The following PARD3 variants were observed in gnomAD, a reference collection of about 807,000 sequenced individuals.
PARD3 encodes the protein par-3 family cell polarity regulator.
PARD3 carries 75 observed loss-of-function variants against 155.4 expected under a neutral mutation model. The ratio of observed to expected loss-of-function variants is 0.48; its 90% CI spans 0.40 to 0.58. The LOEUF is 0.58. Among genes scored for constraint, PARD3 ranks in the 20% least tolerant of loss-of-function variants. PARD3 has a pLI of 0.00. For missense variants in PARD3, 1,642 were observed against 1,721.7 expected (o/e 0.95, Z 0.82); for synonymous variants, 576 against 610.5 (o/e 0.94, Z 0.83).
In PARD3 at chr10:34,378,120, G is replaced by A; in HGVS notation, c.1400-14C>T. ...AACCTTCTGTACCTAGGTATGTGAA[G>A]GAGAAGAAAAGTAAATAAAATGAGA... On this transcript the variant is annotated splice_polypyrimidine_tract_variant and intron_variant, in intron 9 of 24. Transcript: ENST00000374788. 2 of 1,561,258 alleles carry A rather than the reference G, an allele frequency of 1.3e-6. No homozygotes were observed. Among genetic ancestry groups the A allele is most frequent in the Non-Finnish European group, 1.7e-6 (2 of 1,157,352 alleles).
chr10:34,390,677 G>A (rs1252879774), intron 7 of PARD3, among the ~76,000 whole-genome samples: 2 of 152,112 alleles, frequency 1.3e-5, no homozygotes, highest in Non-Finnish European at 1.5e-5. Flanking sequence ...GGTCAAGTCA[G>A]TCACTGACTG....
At chr10:34,390,003 A>G (rs954199201) in intron 7 of PARD3, among the ~76,000 whole-genome samples, 1 of 152,236 alleles carries the variant, frequency 6.6e-6, no homozygotes, top group Non-Finnish European at 1.5e-5. Context: ...ACCAATGCGT[A>G]TGTTATAGTT....
intron 12 of PARD3, among the ~76,000 whole-genome samples, chr10:34,362,798 A>G (rs1839584200): frequency 6.6e-6 from 1 of 152,238 alleles, no homozygotes; most frequent in Admixed American, 6.5e-5. Flanking sequence ...ACATTTACAG[A>G]GTACGAAATA....
chr10:34,631,600 GT>G (rs755381763), intron 2 of PARD3, among the ~76,000 whole-genome samples: 52 of 152,080 alleles, frequency 3.4e-4, no homozygotes, highest in Non-Finnish European at 6.8e-4. Context: ...ACAAAGGCTG[GT>G]TTTTGGCTTG....
At chr10:34,563,398 C>T (rs2085660437) in intron 2 of PARD3, among the ~76,000 whole-genome samples, 2 of 152,120 alleles carry the variant, frequency 1.3e-5, no homozygotes, top group South Asian at 2.1e-4. Context: ...GACAGAGTCT[C>T]GCACTCTCAC....
chr10:34,641,626 C>A (rs1399953906), intron 2 of PARD3, among the ~76,000 whole-genome samples: 1 of 152,066 alleles, frequency 6.6e-6, no homozygotes, highest in Non-Finnish European at 1.5e-5. Context: ...GGCCCAGCAC[C>A]CCCTCACCGA....
intron 2 of PARD3, among the ~76,000 whole-genome samples, chr10:34,606,155 AATGTGTGTGTGTGTGT>A (rs1222242400): frequency 9.4e-6 from 1 of 106,674 alleles, no homozygotes; most frequent in Non-Finnish European, 2.0e-5. Context: ...TATAAAGGGA[AATGTGTGTGTGTGTGT>A]GTGTGTGTGT....
At chr10:34,640,657 C>CAAGA (rs2092641767) in intron 2 of PARD3, among the ~76,000 whole-genome samples, 1 of 121,404 alleles carries the variant, frequency 8.2e-6, no homozygotes, top group African/African-American at 3.2e-5. Flanking sequence ...TGTGGTGAGC[C>CAAGA]AAGAAAGCGC....
At chr10:34,503,534 G>A (rs1463086838) in intron 3 of PARD3, among the ~76,000 whole-genome samples, 1 of 152,028 alleles carries the variant, frequency 6.6e-6, no homozygotes, top group Non-Finnish European at 1.5e-5. Context: ...ACGTATATAT[G>A]TATTTGTATA....
intron 12 of PARD3, among the ~76,000 whole-genome samples, chr10:34,367,837 A>C (rs1019208759): frequency 1.3e-5 from 2 of 152,208 alleles, no homozygotes; most frequent in Non-Finnish European, 2.9e-5. Context: ...AACCTTTCTG[A>C]AGTTAGCCTA....
intron 2 of PARD3, among the ~76,000 whole-genome samples, chr10:34,662,565 A>G (rs1040781103): frequency 1.3e-4 from 20 of 152,220 alleles, no homozygotes; most frequent in African/African-American, 4.8e-4. Flanking sequence ...ATGGAGTACT[A>G]TTCAGCCATA....
In PARD3 at chr10:34,377,907, G is replaced by A. The variant is rs1313099683; in HGVS notation, c.1539+60C>T. On this transcript the variant is annotated intron_variant, in intron 10 of 24. Coordinates refer to ENST00000374788, the MANE Select transcript of PARD3 (RefSeq NM_001184785.2). ...TTTTATGAAAATGTTTTTAAAAGTT[G>A]GCTCCTGGAAATGGAACATTTCAAG... 7.6e-6 allele frequency: 10 copies of A among 1,320,362 alleles called. No homozygotes were observed. The South Asian group carries it at 1.0e-4, about 14-fold the overall frequency. The allele number at this position is 1,320,362 out of a possible 1,614,324, so 81.8% of individuals were successfully genotyped here. A position where few individuals can be genotyped will look rare whatever the true frequency, so the allele number is the denominator to read the frequency against.
chr10:34,205,522 T>G (rs1438381264), intron 22 of PARD3, among the ~76,000 whole-genome samples: 1 of 152,114 alleles, frequency 6.6e-6, no homozygotes, highest in Non-Finnish European at 1.5e-5. Flanking sequence ...CCACAAACCT[T>G]AATCCTGTAT....
At chr10:34,243,644 T>C (rs1953750354) in intron 22 of PARD3, among the ~76,000 whole-genome samples, 1 of 152,182 alleles carries the variant, frequency 6.6e-6, no homozygotes, top group African/African-American at 2.4e-5. Context: ...CAGACCAGCC[T>C]GGCTAACATG....
intron 2 of PARD3, among the ~76,000 whole-genome samples, chr10:34,655,136 C>T (rs1437479983): frequency 6.6e-6 from 1 of 151,404 alleles, no homozygotes; most frequent in African/African-American, 2.4e-5. Context: ...TGCCTTAACA[C>T]ACTTGCTCTG....
intron 3 of PARD3, among the ~76,000 whole-genome samples, chr10:34,506,318 G>A (rs1389930593): frequency 1.3e-5 from 2 of 152,088 alleles, no homozygotes; most frequent in African/African-American, 4.8e-5. Flanking sequence ...GTTATGCCAT[G>A]AGTACAGAAT....
chr10:34,411,758 AGAT>A (rs1845091941), intron 5 of PARD3, among the ~76,000 whole-genome samples: 1 of 152,040 alleles, frequency 6.6e-6, no homozygotes, highest in South Asian at 2.1e-4. Context: ...ATAGATAGAT[AGAT>A]AGATAGATAG....
intron 2 of PARD3, among the ~76,000 whole-genome samples, chr10:34,590,472 A>G (rs937158896): frequency 3.3e-5 from 5 of 152,192 alleles, no homozygotes; most frequent in African/African-American, 7.2e-5. Flanking sequence ...TATAATCCAT[A>G]GTTGATTGCA....
chr10:34,546,469 AC>A (rs1365275474), intron 2 of PARD3, among the ~76,000 whole-genome samples: 2 of 151,906 alleles, frequency 1.3e-5, no homozygotes, highest in Non-Finnish European at 2.9e-5. Flanking sequence ...GCGAGCCGAG[AC>A]TGTACCACTG....
Sources: gnomAD v4.1 joint callset for allele counts (sites outside exome capture counted in the v4.1 genomes callset) on GRCh38, gnomAD v4.1.1 for gene constraint, MANE v1.5 for transcripts, NCBI Gene and HGNC (gene_info 2026-07-23, HGNC 2026-07-21) for gene names.